The following TNNI3K variants were observed in gnomAD, a reference collection of about 807,000 sequenced individuals.
TNNI3K encodes TNNI3 interacting kinase, also known as serine/threonine-protein kinase TNNI3K.
A neutral mutation model predicts 114.5 loss-of-function variants in TNNI3K; 140 were observed. The ratio of observed to expected loss-of-function variants is 1.22; its 90% CI spans 1.07 to 1.41. The LOEUF (loss-of-function observed/expected upper bound fraction) is 1.41, where lower values mean the gene tolerates loss of function less well. Ranked by LOEUF, TNNI3K falls within the 40% of genes most tolerant of loss-of-function variation. TNNI3K has a pLI of 0.00. For synonymous variants in TNNI3K, 347 were observed against 347.5 expected, an observed-to-expected ratio of 1.00 and a Z score of 0.02; for missense variants, 1,125 against 1,007.6, an observed-to-expected ratio of 1.12 and a Z score of -1.58.
At chr1:74,524,592 T>C (rs182928194) in intron 23 of TNNI3K, among the ~76,000 whole-genome samples, 29 of 152,302 alleles carry the variant, frequency 1.9e-4, no homozygotes, top group Admixed American at 1.5e-3. Context: ...CTAAGAGCAA[T>C]GGGCATACTT....
At chr1:74,353,157 TG>T (rs1037481711) in intron 9 of TNNI3K, 108 bp from the exon 10 acceptor site, 29 of 1,111,410 alleles carry the variant, frequency 2.6e-5, no homozygotes, top group Non-Finnish European at 3.6e-5. Context: ...TGTCAGGTTA[TG>T]GGGGTTATAA....
At chr1:74,426,215 C>G (rs1438260967) in intron 17 of TNNI3K, among the ~76,000 whole-genome samples, 1 of 152,054 alleles carries the variant, frequency 6.6e-6, no homozygotes, top group Non-Finnish European at 1.5e-5. Context: ...TCCTGAGTTA[C>G]CAACAAATCC....
chr1:74,446,971 A>G (rs1087086), intron 20 of TNNI3K, among the ~76,000 whole-genome samples: 35,911 of 48,502 alleles, frequency 0.74, 13,740 homozygotes, highest in East Asian at 0.93. Context: ...AAGTCAGGTA[A>G]TGTGATGCCT....
chr1:74,240,888 C>T lies in TNNI3K; in HGVS notation c.149+4678C>T, dbSNP rs1209555660. On this transcript the variant is annotated intron_variant, in intron 2 of 24. Coordinates refer to ENST00000326637, the MANE Select transcript of TNNI3K (RefSeq NM_015978.3). ...TGTTGGTGTGCTGCACCCATTAACT[C>T]GTCATTTAACATTAGGTATATCTCC... 5 of 151,726 alleles carry T rather than the reference C, an allele frequency of 3.3e-5. No individual in the cohort carries two copies. The East Asian group carries it at 9.7e-4, about 30-fold the overall frequency. The allele number at this position is 151,726 out of a possible 1,614,324, so 9.4% of individuals were successfully genotyped here.
chr1:74,359,342 C>G (rs1222167595), intron 11 of TNNI3K, among the ~76,000 whole-genome samples: 2 of 151,966 alleles, frequency 1.3e-5, no homozygotes, highest in African/African-American at 4.8e-5. Flanking sequence ...AGCAGAGATT[C>G]AATCGAATCC....
At chr1:74,281,152 G>A (rs563637720) in intron 5 of TNNI3K, among the ~76,000 whole-genome samples, 1 of 152,218 alleles carries the variant, frequency 6.6e-6, no homozygotes, top group South Asian at 2.1e-4. Context: ...GAGCCCTCAG[G>A]CCTTGAATAA....
At chr1:74,459,855 C>T (rs1667374486) in intron 20 of TNNI3K, among the ~76,000 whole-genome samples, 1 of 152,148 alleles carries the variant, frequency 6.6e-6, no homozygotes, top group Non-Finnish European at 1.5e-5. Flanking sequence ...GTTATATAGA[C>T]TCTGCAGCTG....
chr1:74,304,626 A>G (rs1245992929), intron 5 of TNNI3K, among the ~76,000 whole-genome samples: 1 of 151,714 alleles, frequency 6.6e-6, no homozygotes, highest in Non-Finnish European at 1.5e-5. Flanking sequence ...TTTTTTTTTT[A>G]TAGAAATGGG....
chr1:74,455,650 G>A (rs1487524025), intron 20 of TNNI3K, among the ~76,000 whole-genome samples: 1 of 152,178 alleles, frequency 6.6e-6, no homozygotes, highest in African/African-American at 2.4e-5. Flanking sequence ...CTGAGAATCA[G>A]GAGGGTCACC....
At chr1:74,399,291 G>A (rs914115297) in intron 17 of TNNI3K, among the ~76,000 whole-genome samples, 3 of 151,592 alleles carry the variant, frequency 2.0e-5, no homozygotes, top group African/African-American at 7.3e-5. Context: ...AAGTTATTAT[G>A]TGAACTCCCG....
chr1:74,371,759 T>G (rs1662619674), intron 17 of TNNI3K: 1 of 151,792 alleles, frequency 6.6e-6, no homozygotes, highest in African/African-American at 2.4e-5. Context: ...CAGATTTTTT[T>G]TCCTGTAAGG....
At chr1:74,294,504 A>G (rs1425788418) in intron 5 of TNNI3K, among the ~76,000 whole-genome samples, 2 of 152,040 alleles carry the variant, frequency 1.3e-5, no homozygotes, top group East Asian at 1.9e-4. Context: ...ATGTCATGCA[A>G]GTAGCTTAAA....
At chr1:74,247,954 G>T (rs1029492301) in intron 2 of TNNI3K, among the ~76,000 whole-genome samples, 1 of 152,088 alleles carries the variant, frequency 6.6e-6, no homozygotes, top group East Asian at 1.9e-4. Flanking sequence ...AGCAGGGGGT[G>T]GTGCCCGTCG....
Position 74,370,369 on chromosome 1 carries a change from A to T in TNNI3K, c.1749A>T (p.Pro583=). The change falls in exon 17 of 25, where the codon CCA becomes CCT. Residue 583 remains proline, a synonymous_variant. Transcript: ENST00000326637. ...GMEYLHNLTQ[P]IIHRDLNSHN... is the part of the protein sequence containing the mutation. ...AGTACCTTCACAACCTGACACAGCC[A>T]ATTATACATCGTGACTTGAACAGGT... 1 of 1,607,038 alleles carries T rather than the reference A, an allele frequency of 6.2e-7. No homozygotes were observed. The highest frequency in any genetic ancestry group is 2.2e-5 in the East Asian group (1 of 44,600).
intron 19 of TNNI3K, among the ~76,000 whole-genome samples, chr1:74,438,202 C>T (rs928783732): frequency 2.0e-5 from 3 of 151,722 alleles, no homozygotes; most frequent in Admixed American, 1.3e-4. Flanking sequence ...TGTGCAAAAA[C>T]GGGCATACTG....
intron 17 of TNNI3K, among the ~76,000 whole-genome samples, chr1:74,406,409 G>C (rs1397781818): frequency 6.6e-6 from 1 of 152,130 alleles, no homozygotes; most frequent in Non-Finnish European, 1.5e-5. Context: ...GTGTGGCCCA[G>C]GGAAGCCAAA....
chr1:74,501,474 G>GTGTTTGTT (rs71588835), intron 23 of TNNI3K, among the ~76,000 whole-genome samples: 46,405 of 149,798 alleles, frequency 0.31, 7,619 homozygotes, highest in East Asian at 0.46. Context: ...TTTTTGTTTT[G>GTGTTTGTT]TGTTTGTTTG....
intron 5 of TNNI3K, among the ~76,000 whole-genome samples, chr1:74,287,008 A>T (rs962526008): frequency 1.3e-5 from 2 of 152,104 alleles, no homozygotes; most frequent in African/African-American, 2.4e-5. Context: ...AGAAACCATA[A>T]AAAGAAATCA....
chr1:74,411,792 A>G (rs1664893457), intron 17 of TNNI3K, among the ~76,000 whole-genome samples: 1 of 152,192 alleles, frequency 6.6e-6, no homozygotes, highest in Admixed American at 6.5e-5. Context: ...TGGAGGAGTG[A>G]GCATTGAGGA....
Sources: allele counts gnomAD v4.1 joint callset (sites outside exome capture counted in the v4.1 genomes callset), GRCh38; gene constraint gnomAD v4.1.1; transcripts MANE v1.5; gene names NCBI Gene and HGNC (gene_info 2026-07-23, HGNC 2026-07-21).